The following RASA1 variants were observed in gnomAD, a reference collection of about 807,000 sequenced individuals.
RASA1 encodes RAS p21 protein activator 1.
Under a neutral mutation model 132.2 loss-of-function variants are expected in RASA1, and 25 were observed. The ratio of observed to expected loss-of-function variants is 0.19; its 90% confidence interval spans 0.14 to 0.26. The LOEUF (loss-of-function observed/expected upper bound fraction) is 0.26. Among genes scored for constraint, RASA1 ranks in the 10% least tolerant of loss-of-function variants. The pLI is 1.00. For synonymous variants in RASA1, 477 were observed against 449.9 expected, an observed-to-expected ratio of 1.06 and a Z score of -0.76; for missense variants, 964 against 1,299.2, an observed-to-expected ratio of 0.74 and a Z score of 3.97.
At chr5:87,338,198 G>A (rs1025876283) in intron 5 of RASA1, 107 bp downstream of exon 5, 5 of 1,528,774 alleles carry the variant, frequency 3.3e-6, no homozygotes, top group Non-Finnish European at 4.4e-6. Context: ...TTTTATAAAA[G>A]AACTTAATTG....
intron 6 of RASA1, among the ~76,000 whole-genome samples, chr5:87,343,955 T>C (rs1236043512): frequency 1.3e-5 from 2 of 152,128 alleles, no homozygotes; most frequent in East Asian, 3.9e-4. Context: ...TTAAGTGAAA[T>C]AAGCCAGGCA....
chr5:87,386,973 C>T, intron 23 of RASA1, 70 bp downstream of exon 23: 2 of 1,349,358 alleles, frequency 1.5e-6, no homozygotes, highest in Admixed American at 1.8e-5. Context: ...CCCATTTAAG[C>T]AGCAATCTTT....
At chr5:87,377,511 T>G (rs1164472627) in intron 17 of RASA1, among the ~76,000 whole-genome samples, 1 of 151,926 alleles carries the variant, frequency 6.6e-6, no homozygotes, top group Admixed American at 6.6e-5. Context: ...TTTATTTTAT[T>G]TTTTTAGTAG....
chr5:87,385,182 G>T, intron 21 of RASA1, 119 bp from the exon 22 acceptor site: 1 of 727,882 alleles, frequency 1.4e-6, no homozygotes, highest in Non-Finnish European at 2.5e-6. Flanking sequence ...TCTGAGTTCC[G>T]AATGGAAGAA....
At chr5:87,359,586 C>T (rs1759921752) in intron 9 of RASA1, among the ~76,000 whole-genome samples, 1 of 152,244 alleles carries the variant, frequency 6.6e-6, no homozygotes, top group Non-Finnish European at 1.5e-5. Context: ...TCTTAAATGA[C>T]AGACTCCAAG....
chr5:87,291,040 T>A (rs984138097), intron 1 of RASA1, among the ~76,000 whole-genome samples: 1 of 152,210 alleles, frequency 6.6e-6, no homozygotes, highest in Admixed American at 6.5e-5. Context: ...CTGTCTTCCA[T>A]AGTGGCTGCA....
intron 1 of RASA1, among the ~76,000 whole-genome samples, chr5:87,290,996 A>G (rs1427442170): frequency 6.6e-6 from 1 of 152,192 alleles, no homozygotes; most frequent in African/African-American, 2.4e-5. Flanking sequence ...GCTGGATAGT[A>G]TAGTAAAAGT....
At chr5:87,300,921 ATT>A (rs1368467658) in intron 1 of RASA1, among the ~76,000 whole-genome samples, 1 of 152,210 alleles carries the variant, frequency 6.6e-6, no homozygotes, top group Non-Finnish European at 1.5e-5. Context: ...GGCATGAGGC[ATT>A]AGTCACGGAA....
intron 9 of RASA1, among the ~76,000 whole-genome samples, chr5:87,356,672 C>G (rs1018319171): frequency 1.6e-4 from 25 of 152,076 alleles, no homozygotes; most frequent in African/African-American, 4.3e-4. Context: ...TTTGGTTGCC[C>G]CAACAGTTTT....
chr5:87,298,892 A>G (rs1325156909), intron 1 of RASA1, among the ~76,000 whole-genome samples: 1 of 152,194 alleles, frequency 6.6e-6, no homozygotes, highest in Non-Finnish European at 1.5e-5. Flanking sequence ...TAAATTGTGC[A>G]CTGCATTGTT....
intron 1 of RASA1, among the ~76,000 whole-genome samples, chr5:87,287,683 C>A (rs1465703204): frequency 6.9e-6 from 1 of 145,034 alleles, no homozygotes; most frequent in Non-Finnish European, 1.5e-5. Context: ...TATATGTACA[C>A]GCCATAGATA....
intron 11 of RASA1, among the ~76,000 whole-genome samples, chr5:87,366,962 C>T (rs1451328512): frequency 6.6e-6 from 1 of 152,202 alleles, no homozygotes; most frequent in Non-Finnish European, 1.5e-5. Context: ...AGCCCAGGCT[C>T]ACAACTGCCA....
In RASA1 at chr5:87,374,853, G is replaced by T; in HGVS notation, c.1948G>T (p.Asp650Tyr). 1 of 1,608,986 alleles carries T rather than the reference G, an allele frequency of 6.2e-7. No individual in the cohort carries two copies. Among genetic ancestry groups the T allele is most frequent in the South Asian group, 1.1e-5 (1 of 90,908 alleles). The stretch of plus-strand genomic sequence containing the variant: ...TTGCTCCTTTAGTGATCTTCCTCCT[G>T]ACATCAATAGATTTGAAATAACTCT... ...EEFVFDDLPP[D>Y]INRFEITLSN... Residue 650 changes from aspartate to tyrosine, a missense_variant, in exon 15 of 25, where the codon GAC (aspartate) becomes TAC (tyrosine). This residue lies in a region of RASA1 where 346 missense variants were observed against 520.1 expected (regional missense o/e 0.67). Transcript: ENST00000274376.
Position 87,376,923 on chromosome 5 carries a change from C to T in RASA1, c.2227C>T (p.His743Tyr). The T allele has an allele frequency of 6.2e-7, 1 of 1,610,438 alleles. No homozygotes were observed. ...KELHVVYALS[H>Y]VCGQDRTLLA... is the part of the protein sequence containing the mutation. ...ACTTCATGTAGTCTATGCTTTATCA[C>T]ATGTATGTGGACAAGACCGAACACT... The change falls in exon 17 of 25, where the codon CAT (histidine) becomes TAT (tyrosine). Residue 743 changes from histidine to tyrosine, a missense_variant. Coordinates refer to ENST00000274376, the MANE Select transcript of RASA1 (RefSeq NM_002890.3).
chr5:87,357,704 CA>C (rs5869396), intron 9 of RASA1, among the ~76,000 whole-genome samples: 1 of 149,886 alleles, frequency 6.7e-6, no homozygotes, highest in Non-Finnish European at 1.5e-5. Flanking sequence ...GATTCCATCT[CA>C]AAAAAAAAGA....
intron 6 of RASA1, 39 bp downstream of exon 6, chr5:87,341,360 T>A: frequency 8.6e-7 from 1 of 1,159,238 alleles, no homozygotes; most frequent in Non-Finnish European, 1.1e-6. Flanking sequence ...AAAAAAAATC[T>A]ATATTGTAAA....
At chr5:87,272,161 AC>A (rs1753873099) in intron 1 of RASA1, among the ~76,000 whole-genome samples, 1 of 151,928 alleles carries the variant, frequency 6.6e-6, no homozygotes, top group African/African-American at 2.4e-5. Flanking sequence ...AAAAAAAAAA[AC>A]ACCATGATTG....
At chr5:87,284,859 T>A (rs902048836) in intron 1 of RASA1, among the ~76,000 whole-genome samples, 6 of 152,110 alleles carry the variant, frequency 3.9e-5, no homozygotes, top group African/African-American at 1.4e-4. Flanking sequence ...GAGATCAAAA[T>A]CTTTTTATCA....
intron 6 of RASA1, among the ~76,000 whole-genome samples, chr5:87,343,762 C>G (rs1896693): frequency 6.6e-6 from 1 of 152,134 alleles, no homozygotes; most frequent in Non-Finnish European, 1.5e-5. Flanking sequence ...AAAGAGACAG[C>G]TGCACTCCTA....
Sources: gnomAD v4.1 joint callset for allele counts (sites outside exome capture counted in the v4.1 genomes callset) on GRCh38, gnomAD v4.1.1 for gene constraint, gnomAD v4.1.1 regional missense constraint, MANE v1.5 for transcripts, NCBI Gene and HGNC (gene_info 2026-07-23, HGNC 2026-07-21) for gene names.